Variants in SETX observed in about 807,000 individuals in gnomAD.
SETX encodes senataxin.
SETX carries 90 observed loss-of-function variants against 227.2 expected under a neutral mutation model. The observed-to-expected ratio is 0.40, with a 90% confidence interval of 0.33 to 0.47. The LOEUF (loss-of-function observed/expected upper bound fraction) is 0.47, where lower values mean the gene tolerates loss of function less well. SETX is among the 20% of genes least tolerant of loss of function. SETX has a pLI of 0.91. For synonymous variants in SETX, 1,210 were observed against 1,113.2 expected, an observed-to-expected ratio of 1.09 and a Z score of -1.73; for missense variants, 3,052 against 3,181.5, an observed-to-expected ratio of 0.96 and a Z score of 0.98.
chr9:132,271,975 C>T (rs941470818), intron 23 of SETX, among the ~76,000 whole-genome samples, 167 bp from the exon 24 acceptor site: 15 of 151,782 alleles, frequency 9.9e-5, no homozygotes, highest in Non-Finnish European at 1.5e-4. Context: ...CTCTGCCTCC[C>T]GGGTTCACGC....
intron 7 of SETX, among the ~76,000 whole-genome samples, chr9:132,331,668 T>A (rs1326729511): frequency 6.9e-6 from 1 of 144,536 alleles, no homozygotes; most frequent in Non-Finnish European, 1.5e-5. Context: ...CTATGATACG[T>A]CTGTAAAAAA....
chr9:132,330,263 G>C lies in SETX; in HGVS notation c.1335C>G (p.Asn445Lys). 2 of 1,582,090 alleles carry C rather than the reference G, an allele frequency of 1.3e-6. No individual in the cohort carries two copies. Among genetic ancestry groups the C allele is most frequent in the Non-Finnish European group, 1.7e-6 (2 of 1,162,850 alleles). ...CTTTGTCACACACAGCATCTGTTTG[G>C]TTGAGGACTTCTTTGACTTCAGAGT... ...HLYSEVKEVL[N>K]QTDAVCDKVT... Residue 445 changes from asparagine to lysine, a missense_variant, in exon 10 of 26, where the codon AAC becomes AAG. Asn to Lys is a moderately conservative substitution (Grantham distance 94, BLOSUM62 0). Around this residue, in one of 10 missense-constraint regions of SETX, gnomAD observed 179 missense variants for 197.1 expected, o/e 0.91. Transcript: ENST00000224140.
At chr9:132,287,972 C>T (rs553188010) in intron 17 of SETX, among the ~76,000 whole-genome samples, 39 of 152,196 alleles carry the variant, frequency 2.6e-4, no homozygotes, top group Middle Eastern at 6.8e-3. Flanking sequence ...GCCGGGAGTT[C>T]GAGACTAGCC....
intron 24 of SETX, among the ~76,000 whole-genome samples, chr9:132,271,379 C>T (rs1046865427): frequency 1.3e-5 from 2 of 152,246 alleles, no homozygotes; most frequent in East Asian, 3.9e-4. Flanking sequence ...GCCTGGGCAA[C>T]CTGGCAAAAC....
rs772553761 is a variant in SETX at position 132,328,062 on chromosome 9, G to A, written c.3536C>T (p.Ser1179Phe). The A allele has an allele frequency of 6.2e-7, 1 of 1,614,140 alleles. No individual in the cohort carries two copies. The highest frequency in any genetic ancestry group is 1.1e-5 in the South Asian group (1 of 91,074). Residue 1179 changes from serine (S) to phenylalanine (F), a missense_variant, in exon 10 of 26, where the codon TCT becomes TTT. This residue lies in a region of SETX where 1,483 missense variants were observed against 1,312.0 expected (regional missense o/e 1.13). Transcript: ENST00000224140. ...MAEDPVRPSS[S>F]VRNEGQSDTN... ...ATCAGACTGGCCCTCATTTCTGACA[G>A]AAGATGAAGGCCTCACAGGATCTTC...
chr9:132,349,790 A>T (rs1848509973), intron 2 of SETX, among the ~76,000 whole-genome samples: 1 of 152,200 alleles, frequency 6.6e-6, no homozygotes, highest in Non-Finnish European at 1.5e-5. Context: ...TGGGGAAAAA[A>T]GTTACCAACT....
chr9:132,327,345 G>C lies in SETX; in HGVS notation c.4253C>G (p.Pro1418Arg), dbSNP rs1485506672. Residue 1418 changes from proline (P) to arginine (R), a missense_variant, in exon 10 of 26, where the codon CCT becomes CGT. Pro to Arg is a moderately radical substitution (Grantham distance 103). Coordinates refer to ENST00000224140, the MANE Select transcript of SETX (RefSeq NM_015046.7). ...SNRKQLIKCM[P>R]SEPETIKAKH... Reference sequence around the variant, plus strand: ...TGCTTTTATGGTTTCTGGTTCAGAAGGCATGCATTTTATTAACTGTTTTCT... The same window carrying C: ...TGCTTTTATGGTTTCTGGTTCAGAACGCATGCATTTTATTAACTGTTTTCT... The C allele has an allele frequency of 1.9e-6, 3 of 1,614,216 alleles. No homozygotes were observed.
chr9:132,298,450 A>G, intron 12 of SETX, 138 bp from the exon 13 acceptor site: 2 of 780,090 alleles, frequency 2.6e-6, no homozygotes, highest in South Asian at 1.5e-5. Flanking sequence ...ATATTTATGG[A>G]CTGCTTCCTG....
In SETX at chr9:132,264,559, TAGG is replaced by T. The variant is rs770590408; in HGVS notation, c.7711_7713del (p.Pro2571del). 1.9e-5 allele frequency: 31 copies of T among 1,613,970 alleles called. No individual in the cohort carries two copies. The Admixed American group carries it at 2.7e-4, about 14-fold the overall frequency. The stretch of plus-strand genomic sequence containing the variant: ...ACGACAGGGAAGCCCGGCTCGCCCG[TAGG>T]AGGTGTTGCTCCAGGATGCTGGGGG... On this transcript the variant is annotated inframe_deletion, in exon 26 of 26. Coordinates refer to ENST00000224140, the MANE Select transcript of SETX (RefSeq NM_015046.7).
chr9:132,267,631 C>T (rs1011990164), intron 25 of SETX, among the ~76,000 whole-genome samples: 4 of 152,214 alleles, frequency 2.6e-5, no homozygotes, highest in African/African-American at 7.2e-5. Flanking sequence ...TTCAGATTCT[C>T]GTCTGTCTCT....
intron 11 of SETX, 138 bp from the exon 12 acceptor site, chr9:132,300,941 G>A: frequency 1.4e-5 from 9 of 661,650 alleles, no homozygotes; most frequent in South Asian, 2.4e-5. Context: ...ACTTTAAAAT[G>A]GTAATCTAAT....
At chr9:132,291,820 C>G (rs1296358243) in intron 15 of SETX, among the ~76,000 whole-genome samples, 1 of 150,756 alleles carries the variant, frequency 6.6e-6, no homozygotes, top group African/African-American at 2.4e-5. Flanking sequence ...GCTAAAGCTA[C>G]CATTCCAATA....
In SETX at chr9:132,287,613, G is replaced by A. The variant is rs116657195; in HGVS notation, c.6324+623C>T. ...CCTTTGTGCTACCAAAAGCAGAGTT[G>A]AATAGCTGCAACAGAAACCAACCAT... On this transcript the variant is annotated intron_variant, in intron 17 of 25. Coordinates refer to ENST00000224140, the MANE Select transcript of SETX (RefSeq NM_015046.7). Among the ~76,000 whole-genome samples, 496 of 152,126 alleles carry A rather than the reference G, an allele frequency of 3.3e-3. 4 individuals are homozygous for A. Among genetic ancestry groups the A allele is most frequent in the African/African-American group, 0.011 (472 of 41,480 alleles).
intron 20 of SETX, 135 bp from the exon 21 acceptor site, chr9:132,278,392 GA>G: frequency 1.8e-6 from 1 of 553,750 alleles, no homozygotes; most frequent in South Asian, 1.8e-5. Flanking sequence ...CACAGCTTCA[GA>G]GAAAAAAGGT....
intron 11 of SETX, among the ~76,000 whole-genome samples, chr9:132,310,530 C>T (rs934091678): frequency 6.6e-6 from 1 of 152,166 alleles, no homozygotes. Context: ...GACCTGCTTG[C>T]GAGGCTGCCC....
intron 10 of SETX, among the ~76,000 whole-genome samples, chr9:132,322,392 CT>C (rs1846419261): frequency 6.6e-6 from 1 of 152,134 alleles, no homozygotes; most frequent in Admixed American, 6.6e-5. Context: ...CAATTCCCCC[CT>C]CCTTCCTTCC....
chr9:132,264,907 T>C lies in SETX; in HGVS notation c.7366A>G (p.Arg2456Gly), dbSNP rs540812525. The change falls in exon 26 of 26, where the codon AGA (arginine) becomes GGA (glycine). Residue 2456 changes from arginine to glycine, a missense_variant. Arg to Gly is a moderately radical substitution (Grantham distance 125). Around this residue, in one of 10 missense-constraint regions of SETX, gnomAD observed 294 missense variants for 278.8 expected, o/e 1.05. Transcript: ENST00000224140. ...AIIKTCDKNY[R>G]HDAVKILKLK... ...TTCAGAATCTTCACTGCATCATGTCTATAGTTTTTGTCACAGGTCTTAATA... is the reference window on the plus strand; with the variant it reads ...TTCAGAATCTTCACTGCATCATGTCCATAGTTTTTGTCACAGGTCTTAATA... 195 of 1,614,146 alleles carry C rather than the reference T, an allele frequency of 1.2e-4. 2 individuals are homozygous for C. In the South Asian group the frequency reaches 2.0e-3, roughly 16 times the overall value.
Position 132,349,257 on chromosome 9 carries a change from G to C in SETX, c.172C>G (p.His58Asp), listed in dbSNP as rs757760067. 5.0e-6 allele frequency: 8 copies of C among 1,613,724 alleles called. No individual in the cohort carries two copies. The South Asian group carries it at 8.8e-5, about 18-fold the overall frequency. The change falls in exon 3 of 26, where the codon CAT becomes GAT. Residue 58 changes from histidine (H) to aspartate (D), a missense_variant. His to Asp is a moderately conservative substitution (Grantham distance 81, BLOSUM62 -1). Coordinates refer to ENST00000224140, the MANE Select transcript of SETX (RefSeq NM_015046.7). Reference protein sequence around the residue: ...HKARDELPFLHEVLWELETLR... With the variant: ...HKARDELPFLDEVLWELETLR... Reference sequence around the variant, plus strand: ...GCCCATCTAATATATTTTACCTCATGCAAGAATGGCAATTCATCTCTTGCT... The same window carrying C: ...GCCCATCTAATATATTTTACCTCATCCAAGAATGGCAATTCATCTCTTGCT...
chr9:132,278,024 G>C, intron 21 of SETX, 46 bp downstream of exon 21: 1 of 1,548,456 alleles, frequency 6.5e-7, no homozygotes, highest in Non-Finnish European at 8.9e-7. Flanking sequence ...TTCATAAGTA[G>C]CTAAACTACA....
Sources: allele counts gnomAD v4.1 joint callset (sites outside exome capture counted in the v4.1 genomes callset), GRCh38; gene constraint gnomAD v4.1.1; regional missense constraint gnomAD v4.1.1; transcripts MANE v1.5; gene names NCBI Gene and HGNC (gene_info 2026-07-23, HGNC 2026-07-21).